PATJ: variants seen among roughly 807,000 people sequenced by gnomAD.
PATJ encodes the protein PATJ crumbs cell polarity complex component, also known as inaD-like protein.
A neutral mutation model predicts 224.9 loss-of-function variants in PATJ; 190 were observed. The ratio of observed to expected loss-of-function variants is 0.84; its 90% CI spans 0.75 to 0.95. PATJ has a LOEUF of 0.95. Among genes scored for constraint, PATJ ranks in the 40% least tolerant of loss-of-function variants. The pLI is 0.00. For synonymous variants in PATJ, 769 were observed against 820.3 expected, an observed-to-expected ratio of 0.94 and a Z score of 1.07; for missense variants, 2,121 against 2,270.3, an observed-to-expected ratio of 0.93 and a Z score of 1.34.
At chr1:62,036,861 G>A (rs1650478007) in intron 29 of PATJ, among the ~76,000 whole-genome samples, 1 of 3,454 alleles carries the variant, frequency 2.9e-4, no homozygotes, top group Non-Finnish European at 5.0e-4. Flanking sequence ...GACAAAGTGA[G>A]ACTCCATCTC....
intron 7 of PATJ, among the ~76,000 whole-genome samples, chr1:61,777,703 C>CTTTCTTTTTTTTTTTTTTT (rs1415203243): frequency 1.6e-4 from 8 of 48,740 alleles, no homozygotes; most frequent in African/African-American, 7.5e-4. Context: ...TTCTTTCTTT[C>CTTTCTTTTTTTTTTTTTTT]TTTTTTTTTT....
chr1:62,037,228 G>T (rs937637200), intron 29 of PATJ, among the ~76,000 whole-genome samples: 3 of 152,138 alleles, frequency 2.0e-5, no homozygotes, highest in African/African-American at 4.8e-5. Context: ...TATGTTGGTT[G>T]TGCATCATAA....
intron 22 of PATJ, among the ~76,000 whole-genome samples, chr1:61,885,265 T>A (rs1412033303): frequency 6.6e-6 from 1 of 152,092 alleles, no homozygotes; most frequent in Non-Finnish European, 1.5e-5. Flanking sequence ...GAGAAAATTT[T>A]CGCAACCTAC....
intron 11 of PATJ, among the ~76,000 whole-genome samples, chr1:61,801,150 G>A (rs1321729615): frequency 1.3e-5 from 2 of 152,110 alleles, no homozygotes; most frequent in Non-Finnish European, 2.9e-5. Flanking sequence ...TTGAGGAATC[G>A]CCATACTGTC....
intron 1 of PATJ, among the ~76,000 whole-genome samples, chr1:61,756,135 A>G (rs902643256): frequency 2.0e-5 from 3 of 152,208 alleles, no homozygotes; most frequent in African/African-American, 7.2e-5. Flanking sequence ...TTACTCTGCC[A>G]TATTGCAGGA....
At chr1:62,082,392 A>C (rs1659396683) in intron 32 of PATJ, among the ~76,000 whole-genome samples, 1 of 152,228 alleles carries the variant, frequency 6.6e-6, no homozygotes, top group South Asian at 2.1e-4. Flanking sequence ...TCTGATGAGA[A>C]GTGAGCTCCA....
intron 17 of PATJ, among the ~76,000 whole-genome samples, chr1:61,840,446 T>G (rs1660898032): frequency 6.6e-6 from 1 of 151,982 alleles, no homozygotes; most frequent in Non-Finnish European, 1.5e-5. Context: ...TGTCCATCCT[T>G]CCAGAAACAT....
intron 18 of PATJ, among the ~76,000 whole-genome samples, chr1:61,856,767 AT>A (rs552073563): frequency 6.6e-6 from 1 of 151,950 alleles, no homozygotes; most frequent in Non-Finnish European, 1.5e-5. Context: ...AATTTTTTGT[AT>A]TTTTAGTAGA....
chr1:61,787,434 C>T (rs11207837), intron 7 of PATJ, among the ~76,000 whole-genome samples: 54,852 of 152,116 alleles, frequency 0.36, 11,468 homozygotes, highest in South Asian at 0.55. Flanking sequence ...TCTTGAGGCC[C>T]TGGCCTTTCT....
chr1:61,972,346 T>C (rs1470387484), intron 27 of PATJ, among the ~76,000 whole-genome samples: 1 of 152,088 alleles, frequency 6.6e-6, no homozygotes, highest in Non-Finnish European at 1.5e-5. Context: ...TTTCTAATTT[T>C]GGATTTTCAG....
At chr1:62,107,851 G>A (rs1441271892) in intron 33 of PATJ, among the ~76,000 whole-genome samples, 1 of 152,168 alleles carries the variant, frequency 6.6e-6, no homozygotes, top group African/African-American at 2.4e-5. Context: ...TTATGGCTCA[G>A]ATTGCTGAGT....
intron 43 of PATJ, among the ~76,000 whole-genome samples, chr1:62,159,647 A>G (rs1669656388): frequency 6.7e-6 from 1 of 148,364 alleles, no homozygotes; most frequent in Admixed American, 6.8e-5. Flanking sequence ...CAACCTCTGC[A>G]GGTTCAAGTG....
chr1:61,785,004 A>T (rs1302990618), intron 7 of PATJ, among the ~76,000 whole-genome samples: 1 of 152,252 alleles, frequency 6.6e-6, no homozygotes, highest in African/African-American at 2.4e-5. Flanking sequence ...AACAAAGCAC[A>T]GAGCTTTGTA....
intron 42 of PATJ, among the ~76,000 whole-genome samples, chr1:62,151,946 T>C (rs1429596501): frequency 6.6e-6 from 1 of 152,214 alleles, no homozygotes; most frequent in East Asian, 1.9e-4. Context: ...AGCCATGTTG[T>C]TTCTAAGAGA....
intron 43 of PATJ, among the ~76,000 whole-genome samples, chr1:62,155,768 A>G (rs925862791): frequency 6.6e-6 from 1 of 151,782 alleles, no homozygotes; most frequent in Non-Finnish European, 1.5e-5. Context: ...TACTAAAAGA[A>G]TATTCCAGGC....
intron 3 of PATJ, 94 bp downstream of exon 3, chr1:61,763,273 C>G: frequency 1.5e-6 from 1 of 688,314 alleles, no homozygotes; most frequent in Non-Finnish European, 2.2e-6. Flanking sequence ...GACAAATTAT[C>G]TTTAAGGACT....
chr1:61,903,217 A>G (rs538691673), intron 24 of PATJ, among the ~76,000 whole-genome samples: 1 of 152,342 alleles, frequency 6.6e-6, no homozygotes, highest in South Asian at 2.1e-4. Context: ...AGGCTGTTGC[A>G]GTAACTTAGG....
At chr1:61,755,648 C>T (rs12735079) in intron 1 of PATJ, among the ~76,000 whole-genome samples, 13,973 of 152,112 alleles carry the variant, frequency 0.092, 685 homozygotes, top group Middle Eastern at 0.12. Flanking sequence ...TTACAAGGAC[C>T]CTTTCAAATT....
At chr1:62,087,369 G>A (rs1660140569) in intron 33 of PATJ, among the ~76,000 whole-genome samples, 1 of 152,014 alleles carries the variant, frequency 6.6e-6, no homozygotes, top group African/African-American at 2.4e-5. Context: ...GATCTTTGTA[G>A]GCATAGGATG....
Sources: gnomAD v4.1 joint callset for allele counts (sites outside exome capture counted in the v4.1 genomes callset) on GRCh38, gnomAD v4.1.1 for gene constraint, MANE v1.5 for transcripts, NCBI Gene and HGNC (gene_info 2026-07-23, HGNC 2026-07-21) for gene names.